The following PRKCA variants were observed in gnomAD, a reference collection of about 807,000 sequenced individuals.
The protein encoded by PRKCA is protein kinase C alpha type.
In PRKCA, 27 loss-of-function variants were observed where a neutral mutation model predicts 87.0. The observed-to-expected ratio is 0.31, with a 90% confidence interval of 0.23 to 0.43. The LOEUF is 0.43. Among genes scored for constraint, PRKCA ranks in the 20% least tolerant of loss-of-function variants. The probability of loss-of-function intolerance (pLI) is 1.00; values close to 1 mark genes in which losing one functional copy is unlikely to be tolerated. For missense variants in PRKCA, 518 were observed against 852.3 expected (o/e 0.61, Z 4.88); for synonymous variants, 329 against 311.1 (o/e 1.06, Z -0.61).
chr17:66,587,865 A>ATGTGTGTGTGTGTGTGTGTG lies in PRKCA; in HGVS notation c.289-53487_289-53486insGTGTGTGTGTGTGTGTGTGT, dbSNP rs763898815. The stretch of plus-strand genomic sequence containing the variant: ...TGTATCTACATATACATATATACAT[A>ATGTGTGTGTGTGTGTGTGTG]TGTATGTGTGTGTGTGTGTGTGTGT... On this transcript the variant is annotated intron_variant, in intron 3 of 16. Transcript: ENST00000413366. 1.8e-4 allele frequency among the ~76,000 whole-genome samples: 10 copies of ATGTGTGTGTGTGTGTGTGTG among 56,516 alleles called. 1 individual carries two copies. The highest frequency in any genetic ancestry group is 7.8e-4 in the South Asian group (1 of 1,274). The allele number at this position is 56,516 out of a possible 152,430, so 37.1% of individuals were successfully genotyped here. A position where few individuals can be genotyped will look rare whatever the true frequency, so the allele number is the denominator to read the frequency against.
intron 13 of PRKCA, among the ~76,000 whole-genome samples, chr17:66,743,434 T>C (rs1356007918): frequency 6.6e-6 from 1 of 152,198 alleles, no homozygotes; most frequent in African/African-American, 2.4e-5. Context: ...AGCATCGCGG[T>C]GATGACTGTT....
At chr17:66,790,007 G>A (rs1975492253) in intron 16 of PRKCA, among the ~76,000 whole-genome samples, 1 of 152,216 alleles carries the variant, frequency 6.6e-6, no homozygotes, top group African/African-American at 2.4e-5. Flanking sequence ...GCTCCCCATT[G>A]TGCCTCTGCC....
In PRKCA at chr17:66,453,701, A is replaced by G. The variant is rs192721829; in HGVS notation, c.206-42500A>G. Among the ~76,000 whole-genome samples the G allele has an allele frequency of 6.6e-3, 1,003 of 152,264 alleles. 31 individuals carry two copies. Among genetic ancestry groups the G allele is most frequent in the Admixed American group, 0.056 (858 of 15,292 alleles). On this transcript the variant is annotated intron_variant, in intron 2 of 16. Coordinates refer to ENST00000413366, the MANE Select transcript of PRKCA (RefSeq NM_002737.3). ...GGTCGAATTGGTTTAAGAGCTGGGC[A>G]TCCACTGGGGAGAAAAATCAGAGTA...
intron 3 of PRKCA, among the ~76,000 whole-genome samples, chr17:66,580,426 C>T (rs1969385359): frequency 6.6e-6 from 1 of 152,156 alleles, no homozygotes; most frequent in Non-Finnish European, 1.5e-5. Flanking sequence ...TGGGGGCTGG[C>T]TGGGATGGGA....
At chr17:66,482,112 AAAAAAG>A (rs1305408401) in intron 2 of PRKCA, among the ~76,000 whole-genome samples, 16 of 150,298 alleles carry the variant, frequency 1.1e-4, no homozygotes, top group South Asian at 8.4e-4. Flanking sequence ...AAAAAAAAAA[AAAAAAG>A]AAAAAAAGAA....
chr17:66,670,485 T>C (rs2143946097), intron 5 of PRKCA, among the ~76,000 whole-genome samples: 1 of 152,344 alleles, frequency 6.6e-6, no homozygotes, highest in Non-Finnish European at 1.5e-5. Context: ...TCTCATTCTT[T>C]CCTTTGGTGA....
rs138781212 is a variant in PRKCA at position 66,358,816 on chromosome 17, T to C, written c.205+52689T>C. On this transcript the variant is annotated intron_variant, in intron 2 of 16. Transcript: ENST00000413366. ...ATGGCCCCACTCCCACAAGGAAAAG[T>C]GTCTCCACATTAACAAGCACTTTCT... 2.5e-3 allele frequency among the ~76,000 whole-genome samples: 381 copies of C among 152,146 alleles called. 1 individual carries two copies. The highest frequency in any genetic ancestry group is 7.9e-3 in the African/African-American group (327 of 41,526).
chr17:66,353,046 T>G (rs1298607195), intron 2 of PRKCA, among the ~76,000 whole-genome samples: 1 of 152,208 alleles, frequency 6.6e-6, no homozygotes, highest in Non-Finnish European at 1.5e-5. Flanking sequence ...TTGCTAATTG[T>G]CAACCAACTA....
At chr17:66,735,884 C>T (rs7218041) in intron 10 of PRKCA, among the ~76,000 whole-genome samples, 37 of 150,568 alleles carry the variant, frequency 2.5e-4, no homozygotes, top group Admixed American at 2.2e-3. Flanking sequence ...CCATTTAATT[C>T]GGCAAACATT....
chr17:66,612,951 C>T (rs1970409647), intron 3 of PRKCA, among the ~76,000 whole-genome samples: 1 of 152,108 alleles, frequency 6.6e-6, no homozygotes, highest in South Asian at 2.1e-4. Context: ...ATTTGATATT[C>T]TCAACATAAG....
At chr17:66,512,234 A>G (rs1207187220) in intron 3 of PRKCA, among the ~76,000 whole-genome samples, 1 of 151,998 alleles carries the variant, frequency 6.6e-6, no homozygotes, top group East Asian at 1.9e-4. Context: ...GGAATAAAAA[A>G]TATGTATACC....
At chr17:66,554,053 G>A (rs1396579758) in intron 3 of PRKCA, among the ~76,000 whole-genome samples, 2 of 152,084 alleles carry the variant, frequency 1.3e-5, no homozygotes, top group Admixed American at 6.5e-5. Context: ...GAAGAACTGG[G>A]CACCAGACAT....
intron 2 of PRKCA, among the ~76,000 whole-genome samples, chr17:66,310,269 C>A (rs769518129): frequency 6.6e-6 from 1 of 151,268 alleles, no homozygotes; most frequent in Non-Finnish European, 1.5e-5. Flanking sequence ...TGCTACAAAC[C>A]TAGGCTCTTT....
intron 3 of PRKCA, among the ~76,000 whole-genome samples, chr17:66,553,431 C>T (rs559834121): frequency 7.2e-5 from 11 of 152,210 alleles, no homozygotes; most frequent in South Asian, 2.1e-4. Flanking sequence ...CTCCTACTGA[C>T]GTTTTGGAAT....
intron 8 of PRKCA, among the ~76,000 whole-genome samples, chr17:66,724,749 C>G (rs750127747): frequency 1.3e-5 from 2 of 152,220 alleles, no homozygotes; most frequent in Non-Finnish European, 2.9e-5. Flanking sequence ...TTTCTGAAAT[C>G]TCTGCAGTTA....
intron 3 of PRKCA, among the ~76,000 whole-genome samples, chr17:66,623,514 AGT>A (rs2143704660): frequency 6.6e-6 from 1 of 152,226 alleles, no homozygotes; most frequent in African/African-American, 2.4e-5. Flanking sequence ...GATCTCCAAG[AGT>A]GTGCCGTGCC....
intron 2 of PRKCA, among the ~76,000 whole-genome samples, chr17:66,330,155 G>C (rs1906242042): frequency 6.6e-6 from 1 of 150,446 alleles, no homozygotes; most frequent in Non-Finnish European, 1.5e-5. Flanking sequence ...TCCCAGGCTG[G>C]AGTACAGTGG....
chr17:66,473,608 A>G (rs1915418403), intron 2 of PRKCA, among the ~76,000 whole-genome samples: 1 of 152,208 alleles, frequency 6.6e-6, no homozygotes, highest in Admixed American at 6.5e-5. Context: ...TGATAACTGC[A>G]GTAGCTACTA....
chr17:66,778,534 AAG>A (rs1265571343), intron 14 of PRKCA, among the ~76,000 whole-genome samples: 2 of 151,986 alleles, frequency 1.3e-5, no homozygotes, highest in African/African-American at 4.8e-5. Flanking sequence ...AAAAGAAAAA[AAG>A]AAAACGGTGA....
Sources: allele counts gnomAD v4.1 joint callset (sites outside exome capture counted in the v4.1 genomes callset), GRCh38; gene constraint gnomAD v4.1.1; transcripts MANE v1.5; gene names NCBI Gene and HGNC (gene_info 2026-07-23, HGNC 2026-07-21).